Variants in MTA3 observed in about 807,000 individuals in gnomAD.
MTA3 encodes the protein metastasis associated 1 family member 3, also known as metastasis-associated protein MTA3.
A neutral mutation model predicts 83.5 loss-of-function variants in MTA3; 34 were observed. The observed-to-expected ratio is 0.41, with a 90% confidence interval of 0.31 to 0.54. The LOEUF (loss-of-function observed/expected upper bound fraction) is 0.54. MTA3 is among the 20% of genes least tolerant of loss of function. The pLI is 0.33. For synonymous variants in MTA3, 303 were observed against 252.7 expected (o/e 1.20, Z -1.89); for missense variants, 761 against 726.4 (o/e 1.05, Z -0.55).
chr2:42,558,303 A>G (rs1046786444), intron 2 of MTA3, among the ~76,000 whole-genome samples: 2 of 143,304 alleles, frequency 1.4e-5, no homozygotes, highest in Non-Finnish European at 1.5e-5. Flanking sequence ...GTGCAATGGC[A>G]TGATCTCGGC....
rs1008883770 is a variant in MTA3, at chr2:42,597,280, G to A, written c.191-12178G>A. On this transcript the variant is annotated intron_variant, in intron 3 of 16. Transcript: ENST00000405094. ...GGGTCTCACCGTGTTGCCCAGGCTG[G>A]TCTCAAAGTACTGGTTTCATGTGAT... 2.3e-4 allele frequency among the ~76,000 whole-genome samples: 35 copies of A among 151,768 alleles called. 1 individual carries two copies. Among genetic ancestry groups the A allele is most frequent in the African/African-American group, 8.5e-4 (35 of 41,362 alleles).
chr2:42,681,537 G>T (rs1313481440), intron 8 of MTA3, among the ~76,000 whole-genome samples: 1 of 151,994 alleles, frequency 6.6e-6, no homozygotes, highest in Non-Finnish European at 1.5e-5. Context: ...TTTTGAGATA[G>T]GCTGTCACTC....
At chr2:42,531,089 A>G (rs1675942704) in intron 2 of MTA3, among the ~76,000 whole-genome samples, 1 of 152,132 alleles carries the variant, frequency 6.6e-6, no homozygotes, top group Non-Finnish European at 1.5e-5. Context: ...CTGGGCCTCC[A>G]AAAGTGTTGG....
intron 8 of MTA3, among the ~76,000 whole-genome samples, chr2:42,677,855 C>A (rs1691524431): frequency 1.3e-5 from 2 of 152,190 alleles, no homozygotes; most frequent in African/African-American, 4.8e-5. Flanking sequence ...CAGACTAATA[C>A]AGTGCGCTCC....
chr2:42,502,041 T>G (rs376730839), intron 2 of MTA3, among the ~76,000 whole-genome samples: 80 of 151,548 alleles, frequency 5.3e-4, no homozygotes, highest in African/African-American at 1.8e-3. Flanking sequence ...GGCTTACAGG[T>G]AAGGGTTTTT....
At chr2:42,716,969 T>C (rs192790433) in intron 14 of MTA3, among the ~76,000 whole-genome samples, 1 of 152,184 alleles carries the variant, frequency 6.6e-6, no homozygotes, top group Non-Finnish European at 1.5e-5. Context: ...CTTTTTCTCT[T>C]CAACCTGTTT....
chr2:42,498,965 A>G (rs1674271954), intron 2 of MTA3, among the ~76,000 whole-genome samples: 2 of 152,176 alleles, frequency 1.3e-5, no homozygotes, highest in African/African-American at 2.4e-5. Context: ...TTACAAAGGT[A>G]GAGCTGTAAC....
intron 4 of MTA3, among the ~76,000 whole-genome samples, chr2:42,612,557 T>A (rs146485405): frequency 6.6e-6 from 1 of 152,078 alleles, no homozygotes; most frequent in East Asian, 1.9e-4. Flanking sequence ...AAAGATTAAT[T>A]TTAAGTTTAA....
At chr2:42,611,717 G>A (rs1684244229) in intron 4 of MTA3, among the ~76,000 whole-genome samples, 1 of 152,082 alleles carries the variant, frequency 6.6e-6, no homozygotes, top group Non-Finnish European at 1.5e-5. Context: ...TTGGGGGGCT[G>A]AGGTGGGAGG....
intron 3 of MTA3, among the ~76,000 whole-genome samples, chr2:42,598,844 T>C (rs937499704): frequency 2.6e-5 from 4 of 152,108 alleles, no homozygotes; most frequent in Non-Finnish European, 5.9e-5. Flanking sequence ...CTGGGCCCCC[T>C]GGAGGACTTT....
At chr2:42,739,997 A>G (rs1573819242) in intron 16 of MTA3, among the ~76,000 whole-genome samples, 1 of 152,212 alleles carries the variant, frequency 6.6e-6, no homozygotes, top group Non-Finnish European at 1.5e-5. Context: ...TGAACCTTTC[A>G]AAGTTATCCA....
At chr2:42,677,603 C>A (rs140148968) in intron 8 of MTA3, among the ~76,000 whole-genome samples, 3,276 of 152,200 alleles carry the variant, frequency 0.022, 124 homozygotes, top group African/African-American at 0.075. Context: ...CTCAGCCTCC[C>A]AAAGTACTGA....
At chr2:42,534,591 A>T (rs1323794275) in intron 2 of MTA3, among the ~76,000 whole-genome samples, 2 of 136,312 alleles carry the variant, frequency 1.5e-5, no homozygotes. Context: ...GTGAAACTCT[A>T]AAAAAAAGAA....
chr2:42,550,011 T>C (rs74360777), intron 2 of MTA3, among the ~76,000 whole-genome samples: 1,703 of 152,048 alleles, frequency 0.011, 29 homozygotes, highest in African/African-American at 0.039. Context: ...TTACCTAATA[T>C]TGGCTCCAAA....
chr2:42,535,025 T>C (rs1417204761), intron 2 of MTA3, among the ~76,000 whole-genome samples: 1 of 152,016 alleles, frequency 6.6e-6, no homozygotes, highest in Non-Finnish European at 1.5e-5. Context: ...ACAATGGAGC[T>C]GTCATTGGCT....
intron 4 of MTA3, among the ~76,000 whole-genome samples, chr2:42,620,397 G>T (rs1206843772): frequency 6.6e-6 from 1 of 152,154 alleles, no homozygotes; most frequent in Non-Finnish European, 1.5e-5. Context: ...TGGAATTACA[G>T]GAATGAGCTA....
intron 9 of MTA3, among the ~76,000 whole-genome samples, chr2:42,691,570 T>A (rs187532102): frequency 1.1e-4 from 17 of 152,356 alleles, no homozygotes; most frequent in Middle Eastern, 3.4e-3. Context: ...TACAGTGTTA[T>A]AATACTCAAT....
At chr2:42,654,843 T>C (rs1689016727) in intron 6 of MTA3, among the ~76,000 whole-genome samples, 1 of 152,188 alleles carries the variant, frequency 6.6e-6, no homozygotes, top group Non-Finnish European at 1.5e-5. Context: ...CTTGAACTTC[T>C]GGTCTCAAGT....
intron 16 of MTA3, among the ~76,000 whole-genome samples, chr2:42,745,236 T>C (rs933863527): frequency 6.6e-6 from 1 of 152,232 alleles, no homozygotes; most frequent in Non-Finnish European, 1.5e-5. Flanking sequence ...AAGTTAACTT[T>C]GTTAGATGGA....
Sources: gnomAD v4.1 joint callset for allele counts (sites outside exome capture counted in the v4.1 genomes callset) on GRCh38, gnomAD v4.1.1 for gene constraint, MANE v1.5 for transcripts, NCBI Gene and HGNC (gene_info 2026-07-23, HGNC 2026-07-21) for gene names.